The following SYT17 variants were observed in gnomAD, a reference collection of about 807,000 sequenced individuals.
The protein encoded by SYT17 is synaptotagmin-17.
A neutral mutation model predicts 46.7 loss-of-function variants in SYT17; 22 were observed. The ratio of observed to expected loss-of-function variants is 0.47; its 90% CI spans 0.34 to 0.67. The LOEUF is 0.67. SYT17 is among the 30% of genes least tolerant of loss of function. The pLI is 0.01. For missense variants in SYT17, 519 were observed against 612.8 expected, an observed-to-expected ratio of 0.85 and a Z score of 1.62; for synonymous variants, 251 against 248.4, an observed-to-expected ratio of 1.01 and a Z score of -0.10.
chr16:19,196,124 A>G (rs374953381), intron 5 of SYT17, among the ~76,000 whole-genome samples: 171 of 152,292 alleles, frequency 1.1e-3, no homozygotes, highest in African/African-American at 3.9e-3. Flanking sequence ...ACCAAGAAGG[A>G]GGGAGATTGA....
intron 5 of SYT17, among the ~76,000 whole-genome samples, chr16:19,206,706 C>T (rs1965684939): frequency 1.3e-5 from 2 of 152,108 alleles, no homozygotes; most frequent in Non-Finnish European, 2.9e-5. Context: ...TGCATCCCTC[C>T]AGCCTCCACC....
intron 5 of SYT17, among the ~76,000 whole-genome samples, chr16:19,206,902 T>A (rs994923160): frequency 6.6e-6 from 1 of 152,198 alleles, no homozygotes; most frequent in Non-Finnish European, 1.5e-5. Context: ...ATAGTTTGGA[T>A]GTGTTTCCTC....
chr16:19,184,695 T>C (rs1298573879), intron 5 of SYT17, among the ~76,000 whole-genome samples: 1 of 152,156 alleles, frequency 6.6e-6, no homozygotes, highest in Non-Finnish European at 1.5e-5. Context: ...TTATCACATG[T>C]ATAGATTCCT....
intron 5 of SYT17, among the ~76,000 whole-genome samples, chr16:19,220,303 CTT>C (rs1555459738): frequency 2.5e-5 from 2 of 80,492 alleles, no homozygotes; most frequent in African/African-American, 5.0e-5. Flanking sequence ...TTCTTTCTTT[CTT>C]TTTTTTTTTT....
intron 3 of SYT17, among the ~76,000 whole-genome samples, chr16:19,177,260 G>A (rs974786433): frequency 1.3e-5 from 2 of 152,074 alleles, no homozygotes; most frequent in African/African-American, 2.4e-5. Flanking sequence ...TCCAGGTGGC[G>A]CCATTCACAT....
intron 5 of SYT17, among the ~76,000 whole-genome samples, chr16:19,214,556 T>C (rs536694519): frequency 6.6e-6 from 1 of 152,084 alleles, no homozygotes; most frequent in Non-Finnish European, 1.5e-5. Context: ...ACTGAGAAGA[T>C]GCTGGCTCCA....
intron 5 of SYT17, among the ~76,000 whole-genome samples, chr16:19,199,162 C>T (rs76779241): frequency 0.02 from 2,980 of 152,236 alleles, 85 homozygotes; most frequent in African/African-American, 0.068. Flanking sequence ...AGACTCTCAT[C>T]GTAGTGTAAT....
At chr16:19,232,127 G>T (rs2269789) in intron 7 of SYT17, among the ~76,000 whole-genome samples, 2 of 152,048 alleles carry the variant, frequency 1.3e-5, no homozygotes, top group Non-Finnish European at 2.9e-5. Context: ...ACTGCCAGGG[G>T]TTGGCATGAA....
At chr16:19,169,744 A>C (rs1964010953) in intron 1 of SYT17, 1 of 152,234 alleles carries the variant, frequency 6.6e-6, no homozygotes, top group African/African-American at 2.4e-5. Flanking sequence ...AATGAAGGTC[A>C]CATTACTGTC....
intron 7 of SYT17, among the ~76,000 whole-genome samples, chr16:19,251,716 C>A (rs1436264344): frequency 6.6e-6 from 1 of 152,152 alleles, no homozygotes; most frequent in Non-Finnish European, 1.5e-5. Flanking sequence ...AGATGTTTCG[C>A]CTAAGCTCCT....
At chr16:19,259,614 G>A (rs745679288) in intron 7 of SYT17, among the ~76,000 whole-genome samples, 4 of 151,990 alleles carry the variant, frequency 2.6e-5, no homozygotes, top group Non-Finnish European at 4.4e-5. Context: ...GCATTAAATA[G>A]GTTCTTAGAG....
intron 7 of SYT17, among the ~76,000 whole-genome samples, chr16:19,228,839 C>G (rs1047155891): frequency 6.6e-6 from 1 of 152,160 alleles, no homozygotes; most frequent in Non-Finnish European, 1.5e-5. Context: ...CAAAGCCCAG[C>G]CTATTAGCAT....
chr16:19,263,654 A>AAG (rs1969152069), intron 7 of SYT17, among the ~76,000 whole-genome samples: 2 of 150,988 alleles, frequency 1.3e-5, no homozygotes, highest in African/African-American at 2.5e-5. Context: ...AAAAAAAAAA[A>AAG]AAAAGAAAAG....
intron 5 of SYT17, among the ~76,000 whole-genome samples, chr16:19,200,529 C>A (rs531623673): frequency 8.9e-4 from 136 of 152,300 alleles, no homozygotes; most frequent in African/African-American, 3.1e-3. Flanking sequence ...CCATAAGAGG[C>A]AAGGGGTTCC....
chr16:19,200,075 C>A (rs1168488077), intron 5 of SYT17, among the ~76,000 whole-genome samples: 2 of 152,190 alleles, frequency 1.3e-5, no homozygotes, highest in East Asian at 1.9e-4. Flanking sequence ...GTCAGACTCT[C>A]TAGGAGAAAG....
intron 5 of SYT17, among the ~76,000 whole-genome samples, chr16:19,190,483 A>G (rs1281813815): frequency 1.3e-5 from 2 of 152,154 alleles, no homozygotes; most frequent in Admixed American, 6.6e-5. Flanking sequence ...GTACATTCAC[A>G]TTGTTGTGCA....
chr16:19,267,234 A>T lies in SYT17; in HGVS notation c.*158A>T. On this transcript the variant is annotated 3_prime_UTR_variant, in exon 8 of 8. Transcript: ENST00000355377. ...ACACAGATACCCCAAATCCTCTCAGAACTGAGAGGAAGCTGACTATTGATC... is the reference window on the plus strand; with the variant it reads ...ACACAGATACCCCAAATCCTCTCAGTACTGAGAGGAAGCTGACTATTGATC... 6.2e-6 allele frequency: 4 copies of T among 648,950 alleles called. No homozygotes were observed. Among genetic ancestry groups the T allele is most frequent in the South Asian group, 2.6e-5 (1 of 37,914 alleles). 40.2% of individuals were successfully genotyped at this position (648,950 alleles called of 1,614,324 possible).
chr16:19,202,892 A>AT (rs1214530339), intron 5 of SYT17, among the ~76,000 whole-genome samples: 2 of 151,856 alleles, frequency 1.3e-5, no homozygotes, highest in Non-Finnish European at 2.9e-5. Flanking sequence ...TGCCTTGCTA[A>AT]TTTTTTTCTA....
intron 7 of SYT17, among the ~76,000 whole-genome samples, chr16:19,246,215 C>G (rs1054475750): frequency 6.6e-6 from 1 of 152,052 alleles, no homozygotes; most frequent in Non-Finnish European, 1.5e-5. Flanking sequence ...TGGTCTCGAA[C>G]TCTTGGCCTC....
Sources: gnomAD v4.1 joint callset for allele counts (sites outside exome capture counted in the v4.1 genomes callset) on GRCh38, gnomAD v4.1.1 for gene constraint, MANE v1.5 for transcripts, NCBI Gene and HGNC (gene_info 2026-07-23, HGNC 2026-07-21) for gene names.